The following HDAC8 variants were observed in gnomAD, a reference collection of about 807,000 sequenced individuals.
HDAC8 encodes the protein histone deacetylase-like 1.
In HDAC8, 1 loss-of-function variant was observed where a neutral mutation model predicts 32.2. The observed-to-expected ratio is 0.03, with a 90% confidence interval of 0.01 to 0.15. The LOEUF (loss-of-function observed/expected upper bound fraction) is 0.15, where lower values mean the gene tolerates loss of function less well. HDAC8 is among the 10% of genes least tolerant of loss of function. The probability of loss-of-function intolerance (pLI) is 1.00; values close to 1 mark genes in which losing one functional copy is unlikely to be tolerated. For synonymous variants in HDAC8, 108 were observed against 113.9 expected, an observed-to-expected ratio of 0.95 and a Z score of 0.33; for missense variants, 117 against 300.0, an observed-to-expected ratio of 0.39 and a Z score of 4.51.
Position 72,335,021 on chromosome X carries a change from T to C in HDAC8, c.1112-4945A>G, listed in dbSNP as rs782494864. Among the ~76,000 whole-genome samples, 3 of 112,391 alleles carry C rather than the reference T, an allele frequency of 2.7e-5. No individual in the cohort carries two copies. The South Asian group carries it at 1.1e-3, about 42-fold the overall frequency. On this transcript the variant is annotated intron_variant, in intron 10 of 10. Transcript: ENST00000373573. The stretch of plus-strand genomic sequence containing the variant: ...CTTTAGTCTTTCTTTTTTAAATTAA[T>C]ATATTTTACTTTTAGAACAGTTTTA...
At chrX:72,430,853 G>A (rs2046794353) in intron 9 of HDAC8, among the ~76,000 whole-genome samples, 1 of 112,041 alleles carries the variant, frequency 8.9e-6, no homozygotes, top group Admixed American at 9.4e-5. Flanking sequence ...TACAGATGAA[G>A]AAACCGAAGT....
rs1555988386 is a variant in HDAC8, at chrX:72,453,460, A to AAAAGAAAGAAAGAAAGAAAG, written c.1005+8543_1005+8544insCTTTCTTTCTTTCTTTCTTT. Among the ~76,000 whole-genome samples the AAAAGAAAGAAAGAAAGAAAG allele has an allele frequency of 4.8e-4, 21 of 43,489 alleles. 1 individual carries two copies. Among genetic ancestry groups the AAAAGAAAGAAAGAAAGAAAG allele is most frequent in the African/African-American group, 1.5e-3 (14 of 9,117 alleles). The allele number at this position is 43,489 out of a possible 115,157, so 37.8% of individuals were successfully genotyped here. ...TGACGGAGTAAGACTCTGTCTCTTA[A>AAAAGAAAGAAAGAAAGAAAG]AAATAAAGAAAGAAAGAAAGAAAGA... On this transcript the variant is annotated intron_variant, in intron 9 of 10. Coordinates refer to ENST00000373573, the MANE Select transcript of HDAC8 (RefSeq NM_018486.3).
chrX:72,356,573 T>C (rs1250724650), intron 9 of HDAC8, among the ~76,000 whole-genome samples: 5 of 110,211 alleles, frequency 4.5e-5, no homozygotes, highest in African/African-American at 1.3e-4. Context: ...TGGGAGATAC[T>C]GCAAGCTTTT....
At chrX:72,491,433 G>A (rs1556009630) in intron 5 of HDAC8, among the ~76,000 whole-genome samples, 1 of 111,745 alleles carries the variant, frequency 8.9e-6, no homozygotes, top group Non-Finnish European at 1.9e-5. Flanking sequence ...TAAAGTCTTG[G>A]GATTTTTTCC....
intron 9 of HDAC8, among the ~76,000 whole-genome samples, chrX:72,405,691 T>C (rs1555968580): frequency 8.9e-6 from 1 of 112,543 alleles, no homozygotes; most frequent in Admixed American, 9.4e-5. Context: ...TCTAAGGAGA[T>C]AAATGTTGAA....
chrX:72,410,192 G>A (rs2046153854), intron 9 of HDAC8, among the ~76,000 whole-genome samples: 1 of 111,137 alleles, frequency 9.0e-6, no homozygotes, highest in South Asian at 3.9e-4. Flanking sequence ...GAAGTGCTAT[G>A]AAGCCACTGT....
At chrX:72,419,000 A>G (rs2046418003) in intron 9 of HDAC8, among the ~76,000 whole-genome samples, 1 of 111,786 alleles carries the variant, frequency 8.9e-6, no homozygotes, top group Non-Finnish European at 1.9e-5. Flanking sequence ...TTATATGTCT[A>G]TCCTTATGCC....
intron 9 of HDAC8, among the ~76,000 whole-genome samples, chrX:72,396,853 A>AACAACAAC (rs782360153): frequency 0.052 from 5,790 of 111,207 alleles, 388 homozygotes; most frequent in African/African-American, 0.18. Context: ...ACAACAACAA[A>AACAACAAC]AACAACAACA....
chrX:72,545,728 A>G (rs946763959), intron 4 of HDAC8, among the ~76,000 whole-genome samples: 1 of 112,026 alleles, frequency 8.9e-6, no homozygotes, highest in Non-Finnish European at 1.9e-5. Flanking sequence ...TTGACAGAGA[A>G]TGATCTGGGC....
At chrX:72,402,684 T>C (rs2045938379) in intron 9 of HDAC8, among the ~76,000 whole-genome samples, 1 of 111,804 alleles carries the variant, frequency 8.9e-6, no homozygotes, top group South Asian at 3.7e-4. Context: ...TAATTTCTAC[T>C]TTTATTCAAT....
At chrX:72,401,174 T>C (rs1273554479) in intron 9 of HDAC8, among the ~76,000 whole-genome samples, 1 of 112,452 alleles carries the variant, frequency 8.9e-6, no homozygotes, top group Non-Finnish European at 1.9e-5. Context: ...AAAGCAGCTG[T>C]ACTTTTACAT....
chrX:72,571,966 A>T (rs2052098851), intron 2 of HDAC8, 91 bp downstream of exon 2: 1 of 749,490 alleles, frequency 1.3e-6, no homozygotes, highest in Non-Finnish European at 1.9e-6. Flanking sequence ...ATTTTTTCAA[A>T]AGACCATTCT....
At chrX:72,521,526 C>G (rs151103543) in intron 4 of HDAC8, among the ~76,000 whole-genome samples, 108 of 110,571 alleles carry the variant, frequency 9.8e-4, no homozygotes, top group South Asian at 3.1e-3. Flanking sequence ...AGGGCTGGAG[C>G]AGGGATAGTT....
At chrX:72,502,339 C>T (rs1041270562) in intron 4 of HDAC8, among the ~76,000 whole-genome samples, 1 of 111,894 alleles carries the variant, frequency 8.9e-6, no homozygotes, top group African/African-American at 3.3e-5. Context: ...CACTGCGGCA[C>T]TATTCACAAC....
intron 10 of HDAC8, among the ~76,000 whole-genome samples, chrX:72,331,223 G>T (rs1402862485): frequency 4.5e-5 from 5 of 110,926 alleles, no homozygotes. Flanking sequence ...GGGATTACAG[G>T]TATGCCCGGC....
intron 4 of HDAC8, among the ~76,000 whole-genome samples, chrX:72,557,093 G>A (rs1323899142): frequency 1.8e-5 from 2 of 111,103 alleles, no homozygotes; most frequent in African/African-American, 6.6e-5. Flanking sequence ...GTGGGAGCCT[G>A]TAGGGAGGCT....
At chrX:72,373,301 G>A in intron 9 of HDAC8, among the ~76,000 whole-genome samples, 1 of 111,786 alleles carries the variant, frequency 8.9e-6, no homozygotes, top group Non-Finnish European at 1.9e-5. Flanking sequence ...TATTTACAAA[G>A]TTGTGCAACC....
At chrX:72,432,337 T>C (rs180875762) in intron 9 of HDAC8, among the ~76,000 whole-genome samples, 4 of 110,404 alleles carry the variant, frequency 3.6e-5, no homozygotes, top group African/African-American at 1.3e-4. Flanking sequence ...TTCAGTGGCT[T>C]CTGACTCTAA....
chrX:72,502,194 A>G (rs1221064790), intron 4 of HDAC8, among the ~76,000 whole-genome samples: 1 of 112,066 alleles, frequency 8.9e-6, no homozygotes, highest in Non-Finnish European at 1.9e-5. Flanking sequence ...CAGTTCAACC[A>G]TTGAGGAAAG....
Sources: allele counts gnomAD v4.1 joint callset (sites outside exome capture counted in the v4.1 genomes callset), GRCh38; gene constraint gnomAD v4.1.1; transcripts MANE v1.5; gene names NCBI Gene and HGNC (gene_info 2026-07-23, HGNC 2026-07-21).